The following NNMT variants were observed in gnomAD, a reference collection of about 807,000 sequenced individuals.
NNMT encodes nicotinamide N-methyltransferase.
In NNMT, 10 loss-of-function variants were observed where a neutral mutation model predicts 11.7. The ratio of observed to expected loss-of-function variants is 0.85; its 90% confidence interval spans 0.53 to 1.45. The LOEUF is 1.45. Among genes scored for constraint, NNMT ranks in the 40% most tolerant of loss-of-function variants. The pLI is 0.00. For synonymous variants in NNMT, 143 were observed against 133.8 expected (o/e 1.07, Z -0.48); for missense variants, 381 against 319.4 (o/e 1.19, Z -1.47).
intron 2 of NNMT, among the ~76,000 whole-genome samples, chr11:114,286,407 A>C (rs1945300260): frequency 6.6e-6 from 1 of 152,176 alleles, no homozygotes; most frequent in African/African-American, 2.4e-5. Flanking sequence ...ACCTGAGCAC[A>C]ACTTTGTCCT....
At chr11:114,278,811 C>T (rs901060871) in intron 2 of NNMT, among the ~76,000 whole-genome samples, 2 of 152,086 alleles carry the variant, frequency 1.3e-5, no homozygotes, top group Middle Eastern at 3.4e-3. Context: ...CAGATGGGAC[C>T]AGAGGCTGAG....
Position 114,297,950 on chromosome 11 carries a change from G to T in NNMT, c.155-1G>T. On this transcript the variant is annotated splice_acceptor_variant, in intron 1 of 2. Coordinates refer to ENST00000299964, the MANE Select transcript of NNMT (RefSeq NM_006169.3). LOFTEE classifies it high-confidence loss of function. ...CCTCTTTGTTCCTCCCACTAATCCA[G>T]ACGGTGTGAAGGGAGACCTGCTGAT... 1.2e-6 allele frequency: 2 copies of T among 1,612,422 alleles called. No individual in the cohort carries two copies. The highest frequency in any genetic ancestry group is 1.7e-6 in the Non-Finnish European group (2 of 1,179,900).
intron 2 of NNMT, among the ~76,000 whole-genome samples, chr11:114,285,542 G>A (rs180766342): frequency 3.3e-5 from 5 of 152,150 alleles, no homozygotes; most frequent in South Asian, 2.1e-4. Flanking sequence ...CAGGCCCTGC[G>A]GGAGCACATC....
chr11:114,280,449 G>A lies in NNMT; in HGVS notation c.-129-15979G>A, dbSNP rs532480696. On this transcript the variant is annotated intron_variant, in intron 2 of 4. Coordinates refer to the NNMT transcript ENST00000535401. The stretch of plus-strand genomic sequence containing the variant: ...CAAAGGTGGAGCAGAGAACACCTCT[G>A]AAAGCAGAATCTACAGGCAGACAGG... Among the ~76,000 whole-genome samples the A allele has an allele frequency of 2.0e-5, 3 of 152,272 alleles. No individual in the cohort carries two copies. In the East Asian group the frequency reaches 5.8e-4, roughly 30 times the overall value.
chr11:114,261,833 C>G (rs537551704), intron 1 of NNMT, among the ~76,000 whole-genome samples: 1 of 152,296 alleles, frequency 6.6e-6, no homozygotes, highest in African/African-American at 2.4e-5. Flanking sequence ...AAATCCAACT[C>G]CTCCCATCCC....
intron 2 of NNMT, among the ~76,000 whole-genome samples, chr11:114,274,544 G>A (rs1034457792): frequency 2.6e-5 from 4 of 152,248 alleles, no homozygotes; most frequent in Admixed American, 6.5e-5. Flanking sequence ...AGAGCTTCAC[G>A]TGGCTCTCTG....
At chr11:114,309,519 A>G (rs1440657226) in intron 2 of NNMT, among the ~76,000 whole-genome samples, 2 of 152,184 alleles carry the variant, frequency 1.3e-5, no homozygotes, top group East Asian at 1.9e-4. Flanking sequence ...TTTGTTTTCT[A>G]TGTAGATACC....
Position 114,312,330 on chromosome 11 carries a change from G to A in NNMT, c.648G>A (p.Leu216=), listed in dbSNP as rs750848601. 16 of 1,614,074 alleles carry A rather than the reference G, an allele frequency of 9.9e-6. No individual in the cohort carries two copies. The highest frequency in any genetic ancestry group is 1.4e-5 in the Non-Finnish European group (16 of 1,180,036). Residue 216 remains leucine, a synonymous_variant, in exon 3 of 3, where the codon CTG becomes CTA. Coordinates refer to ENST00000299964, the MANE Select transcript of NNMT (RefSeq NM_006169.3). ...AGCAGAAGTTCTCCAGCCTCCCCCT[G>A]GGCCGGGAGGCAGTAGAGGCTGCTG... The part of the protein sequence containing the change: ...IGEQKFSSLP[L]GREAVEAAVK...
Position 114,298,123 on chromosome 11 carries a change from A to G in NNMT, c.327A>G (p.Pro109=), listed in dbSNP as rs752391701. ...KKEPEAFDWS[P]VVTYVCDLEG... is the part of the protein sequence containing the mutation. ...AGCCAGAGGCCTTTGACTGGTCCCCAGTGGTGACCTATGTGTGTGATCTTG... is the reference window on the plus strand; with the variant it reads ...AGCCAGAGGCCTTTGACTGGTCCCCGGTGGTGACCTATGTGTGTGATCTTG... The change falls in exon 2 of 3, where the codon CCA becomes CCG. Residue 109 remains proline, a synonymous_variant. Transcript: ENST00000299964. The G allele has an allele frequency of 1.2e-6, 2 of 1,614,200 alleles. No individual in the cohort carries two copies. Among genetic ancestry groups the G allele is most frequent in the South Asian group, 1.1e-5 (1 of 91,082 alleles).
At chr11:114,302,345 T>C (rs1945446696) in intron 2 of NNMT, among the ~76,000 whole-genome samples, 1 of 152,180 alleles carries the variant, frequency 6.6e-6, no homozygotes, top group Non-Finnish European at 1.5e-5. Context: ...TAACCTCTTC[T>C]GTGTCTTGTG....
chr11:114,296,703 C>T lies in NNMT; in HGVS notation c.147C>T (p.Phe49=), dbSNP rs750175034. Reference sequence around the variant, plus strand: ...TTCTGAAAAATCTTTTCAAGATATTCTGCCTAGGTAAGTCTGTTGTCTGCA... The same window carrying T: ...TTCTGAAAAATCTTTTCAAGATATTTTGCCTAGGTAAGTCTGTTGTCTGCA... ...KHLLKNLFKI[F]CLDGVKGDLL... is the part of the protein sequence containing the mutation. Residue 49 remains phenylalanine (F), a synonymous_variant, in exon 1 of 3, where the codon TTC becomes TTT. Transcript: ENST00000299964. The T allele has an allele frequency of 1.9e-6, 3 of 1,614,034 alleles. No homozygotes were observed. The highest frequency in any genetic ancestry group is 2.7e-5 in the African/African-American group (2 of 74,926).
chr11:114,268,710 A>C (rs996686578), intron 2 of NNMT, among the ~76,000 whole-genome samples: 3 of 142,536 alleles, frequency 2.1e-5, no homozygotes, highest in African/African-American at 7.9e-5. Context: ...CGCAGCTTGC[A>C]GTGAGCCGAG....
intron 2 of NNMT, among the ~76,000 whole-genome samples, chr11:114,267,334 ATCT>A (rs2135244401): frequency 6.6e-6 from 1 of 152,170 alleles, no homozygotes; most frequent in Admixed American, 6.5e-5. Flanking sequence ...GTTTGATATG[ATCT>A]TCTTTATTTG....
intron 2 of NNMT, among the ~76,000 whole-genome samples, chr11:114,303,134 A>G (rs921751081): frequency 1.3e-5 from 2 of 152,194 alleles, no homozygotes; most frequent in Admixed American, 6.5e-5. Flanking sequence ...TTTCTTCTCT[A>G]GTGTTTTTCA....
rs1470912620 is a variant in NNMT at position 114,313,173 on chromosome 11, A to T, written c.*696A>T. ...AAAATGAGATTAAAATAGTCTTTTT[A>T]TTAAGAGAATTAAAGTGAATTGTGG... On this transcript the variant is annotated 3_prime_UTR_variant, in exon 3 of 3. Transcript: ENST00000299964. The T allele has an allele frequency of 6.6e-6, 1 of 152,350 alleles. No individual in the cohort carries two copies. Among genetic ancestry groups the T allele is most frequent in the East Asian group, 1.9e-4 (1 of 5,190 alleles). The allele number at this position is 152,350 out of a possible 1,614,324, so 9.4% of individuals were successfully genotyped here.
chr11:114,302,159 A>G (rs542159119), intron 2 of NNMT, among the ~76,000 whole-genome samples: 1 of 152,232 alleles, frequency 6.6e-6, no homozygotes, highest in African/African-American at 2.4e-5. Context: ...GTAATTACTA[A>G]TATTACAGGG....
At chr11:114,292,202 A>G (rs927484517), upstream of NNMT, among the ~76,000 whole-genome samples, 2 of 152,172 alleles carry the variant, frequency 1.3e-5, no homozygotes, top group African/African-American at 4.8e-5. Context: ...CTGCTAATAT[A>G]TACAAGGTAT....
At chr11:114,304,707 T>G (rs1254067463) in intron 2 of NNMT, among the ~76,000 whole-genome samples, 1 of 152,182 alleles carries the variant, frequency 6.6e-6, no homozygotes, top group Non-Finnish European at 1.5e-5. Flanking sequence ...CTGGCCATAG[T>G]GGTGCACACC....
intron 2 of NNMT, among the ~76,000 whole-genome samples, chr11:114,266,362 CTCT>C (rs1052991902): frequency 2.0e-4 from 31 of 152,296 alleles, no homozygotes; most frequent in African/African-American, 7.2e-4. Flanking sequence ...AGCTATCTTG[CTCT>C]TCTTCTGCCA....
Sources: allele counts gnomAD v4.1 joint callset (sites outside exome capture counted in the v4.1 genomes callset), GRCh38; gene constraint gnomAD v4.1.1; transcripts MANE v1.5; gene names NCBI Gene and HGNC (gene_info 2026-07-23, HGNC 2026-07-21).